CD247: variants seen among roughly 807,000 people sequenced by gnomAD.
The protein encoded by CD247 is T-cell surface glycoprotein CD3 zeta chain.
In CD247, 13 loss-of-function variants were observed where a neutral mutation model predicts 30.0. The observed-to-expected ratio is 0.43, with a 90% CI of 0.28 to 0.69. The LOEUF (loss-of-function observed/expected upper bound fraction) is 0.69. Among genes scored for constraint, CD247 ranks in the 30% least tolerant of loss-of-function variants. CD247 has a pLI of 0.16. For missense variants in CD247, 193 were observed against 212.6 expected (o/e 0.91, Z 0.57); for synonymous variants, 72 against 80.0 (o/e 0.90, Z 0.53).
At chr1:167,490,312 ATC>A (rs2102077186) in intron 1 of CD247, among the ~76,000 whole-genome samples, 1 of 151,846 alleles carries the variant, frequency 6.6e-6, no homozygotes, top group South Asian at 2.1e-4. Context: ...TCCCCTCTCT[ATC>A]TCTTTCTTCC....
At chr1:167,449,637 C>T (rs1652261214) in intron 1 of CD247, among the ~76,000 whole-genome samples, 1 of 152,164 alleles carries the variant, frequency 6.6e-6, no homozygotes, top group Non-Finnish European at 1.5e-5. Flanking sequence ...TAACAACTTT[C>T]CACGGGCAGG....
At chr1:167,487,477 C>T (rs1654262819) in intron 1 of CD247, among the ~76,000 whole-genome samples, 1 of 152,224 alleles carries the variant, frequency 6.6e-6, no homozygotes, top group Non-Finnish European at 1.5e-5. Flanking sequence ...CCTGGACCCA[C>T]ACTGCCAGGG....
intron 1 of CD247, among the ~76,000 whole-genome samples, chr1:167,492,836 A>T (rs1433625059): frequency 6.6e-6 from 1 of 152,136 alleles, no homozygotes; most frequent in Non-Finnish European, 1.5e-5. Flanking sequence ...CATGCCCCAC[A>T]GTTATAAAAG....
intron 1 of CD247, among the ~76,000 whole-genome samples, chr1:167,510,949 G>T (rs149021337): frequency 0.01 from 1,547 of 152,248 alleles, 11 homozygotes; most frequent in South Asian, 0.021. Flanking sequence ...AAGAGTCTCA[G>T]ATATTCACAT....
At chr1:167,518,380 T>C in intron 1 of CD247, 28 bp downstream of exon 1, 1 of 1,610,774 alleles carries the variant, frequency 6.2e-7, no homozygotes, top group Non-Finnish European at 8.5e-7. Flanking sequence ...TTTCTAGAAG[T>C]TCCCTGCCGT....
In CD247 at chr1:167,486,744, T is replaced by C. The variant is rs139790888; in HGVS notation, c.58+31664A>G. The stretch of plus-strand genomic sequence containing the variant: ...AGCTCTGGCCACTTATGCGGGCCAC[T>C]GCAAGCTGCTCTGATACCTCTGTGT... On this transcript the variant is annotated intron_variant, in intron 1 of 7. Coordinates refer to ENST00000362089, the MANE Select transcript of CD247 (RefSeq NM_198053.3). Among the ~76,000 whole-genome samples, 3 of 152,328 alleles carry C rather than the reference T, an allele frequency of 2.0e-5. No individual in the cohort carries two copies. The East Asian group carries it at 5.8e-4, about 29-fold the overall frequency.
At chr1:167,468,997 C>T (rs983074553) in intron 1 of CD247, among the ~76,000 whole-genome samples, 6 of 151,606 alleles carry the variant, frequency 4.0e-5, no homozygotes, top group Middle Eastern at 3.4e-3. Context: ...CTAAAAAATA[C>T]GTGATCTGTT....
intron 1 of CD247, among the ~76,000 whole-genome samples, chr1:167,468,540 CT>C (rs1211690951): frequency 6.6e-6 from 1 of 152,178 alleles, no homozygotes; most frequent in Non-Finnish European, 1.5e-5. Flanking sequence ...TCGAAGACTC[CT>C]CAAAGTGAGC....
At chr1:167,476,469 A>G (rs1653751533) in intron 1 of CD247, among the ~76,000 whole-genome samples, 1 of 152,226 alleles carries the variant, frequency 6.6e-6, no homozygotes, top group Non-Finnish European at 1.5e-5. Flanking sequence ...TTTTGTGAGG[A>G]TAAAATAGTA....
chr1:167,437,812 A>G (rs1192202641), intron 4 of CD247, among the ~76,000 whole-genome samples: 1 of 152,222 alleles, frequency 6.6e-6, no homozygotes, highest in Non-Finnish European at 1.5e-5. Flanking sequence ...CATGCTGAAT[A>G]TAGTTAATAT....
chr1:167,471,677 A>T (rs1653527950), intron 1 of CD247, among the ~76,000 whole-genome samples: 3 of 152,004 alleles, frequency 2.0e-5, no homozygotes, highest in Admixed American at 1.3e-4. Context: ...TTCCTAGCTC[A>T]CTGCAGCCTT....
chr1:167,460,340 C>T (rs1266845517), intron 1 of CD247, among the ~76,000 whole-genome samples: 1 of 152,100 alleles, frequency 6.6e-6, no homozygotes, highest in Non-Finnish European at 1.5e-5. Context: ...GAGGTCCAGG[C>T]TGCAGTGAAC....
At chr1:167,461,576 G>A (rs901611663) in intron 1 of CD247, among the ~76,000 whole-genome samples, 7 of 152,188 alleles carry the variant, frequency 4.6e-5, no homozygotes, top group African/African-American at 7.2e-5. Context: ...TCGGCCGGGC[G>A]TGGTGGCTCA....
intron 1 of CD247, among the ~76,000 whole-genome samples, chr1:167,441,322 C>A (rs886566067): frequency 6.6e-6 from 1 of 152,216 alleles, no homozygotes; most frequent in Admixed American, 6.5e-5. Flanking sequence ...AGCACTCTCC[C>A]GCCTAGGACA....
At chr1:167,518,356 A>C in intron 1 of CD247, 52 bp downstream of exon 1, 2 of 1,561,012 alleles carry the variant, frequency 1.3e-6, no homozygotes, top group Non-Finnish European at 1.8e-6. Flanking sequence ...ACTCCCCTAC[A>C]CATACACAAA....
chr1:167,431,639 C>T lies in CD247; in HGVS notation c.*42G>A, dbSNP rs931487098. Reference sequence around the variant, plus strand: ...TTCATCCTGTGTCTCATAATCTGGGCGTCTGCAGGTCTGGCCTTTGAGTGG... The same window carrying T: ...TTCATCCTGTGTCTCATAATCTGGGTGTCTGCAGGTCTGGCCTTTGAGTGG... On this transcript the variant is annotated 3_prime_UTR_variant, in exon 8 of 8. Coordinates refer to ENST00000362089, the MANE Select transcript of CD247 (RefSeq NM_198053.3). 9.3e-6 allele frequency: 14 copies of T among 1,502,930 alleles called. No homozygotes were observed. Among genetic ancestry groups the T allele is most frequent in the African/African-American group, 5.5e-5 (4 of 72,742 alleles). 93.1% of individuals were successfully genotyped at this position (1,502,930 alleles called of 1,614,324 possible).
At chr1:167,449,929 A>C (rs1652276720) in intron 1 of CD247, among the ~76,000 whole-genome samples, 2 of 152,218 alleles carry the variant, frequency 1.3e-5, no homozygotes. Flanking sequence ...TCTCAAAAAA[A>C]AAAAAATTTC....
rs369712780 is a variant in CD247, at chr1:167,438,653, A to G, written c.220-3T>C. 10 of 1,611,362 alleles carry G rather than the reference A, an allele frequency of 6.2e-6. No homozygotes were observed. In the Admixed American group the frequency reaches 6.7e-5, roughly 11 times the overall value. On this transcript the variant is annotated splice_polypyrimidine_tract_variant and splice_region_variant and intron_variant, in intron 3 of 7. Coordinates refer to ENST00000362089, the MANE Select transcript of CD247 (RefSeq NM_198053.3). ...TCTCTTCGTCCTAGATTGAGCTCCTATAACAGATAAGAAAGTGTCAGACAC... is the reference window on the plus strand; with the variant it reads ...TCTCTTCGTCCTAGATTGAGCTCCTGTAACAGATAAGAAAGTGTCAGACAC...
chr1:167,476,112 G>A (rs1000080726), intron 1 of CD247, among the ~76,000 whole-genome samples: 42 of 152,108 alleles, frequency 2.8e-4, no homozygotes, highest in African/African-American at 9.4e-4. Context: ...GAGTTGTCCT[G>A]GAAAATAGTC....
Sources: allele counts gnomAD v4.1 joint callset (sites outside exome capture counted in the v4.1 genomes callset), GRCh38; gene constraint gnomAD v4.1.1; transcripts MANE v1.5; gene names NCBI Gene and HGNC (gene_info 2026-07-23, HGNC 2026-07-21).